The following CCDC171 variants were observed in gnomAD, a reference collection of about 807,000 sequenced individuals.
CCDC171 encodes the protein coiled-coil domain containing 171, also known as coiled-coil domain-containing protein 171.
Under a neutral mutation model 168.2 loss-of-function variants are expected in CCDC171, and 177 were observed. The ratio of observed to expected loss-of-function variants is 1.05; its 90% CI spans 0.93 to 1.19. The LOEUF is 1.19. Among genes scored for constraint, CCDC171 ranks in the 50% most tolerant of loss-of-function variants. CCDC171 has a pLI of 0.00. For missense variants in CCDC171, 1,991 were observed against 1,539.0 expected (o/e 1.29, Z -4.91); for synonymous variants, 687 against 540.8 (o/e 1.27, Z -3.75).
chr9:16,092,433 TG>T, the CCDC171 span, among the ~76,000 whole-genome samples: 1 of 152,194 alleles, frequency 6.6e-6, no homozygotes, highest in Non-Finnish European at 1.5e-5. Context: ...CTGGTCTGCC[TG>T]GGACAGCTGC....
chr9:15,620,761 A>G (rs2132023742), intron 6 of CCDC171, among the ~76,000 whole-genome samples: 1 of 152,306 alleles, frequency 6.6e-6, no homozygotes, highest in South Asian at 2.1e-4. Context: ...CTTTTTGAAG[A>G]AAGAGTCAAC....
chr9:15,681,501 T>C (rs2050040000), intron 10 of CCDC171, among the ~76,000 whole-genome samples: 2 of 152,152 alleles, frequency 1.3e-5, no homozygotes, highest in Admixed American at 6.5e-5. Flanking sequence ...GAGCTGCTGT[T>C]CTCTATTTCT....
intron 18 of CCDC171, among the ~76,000 whole-genome samples, chr9:15,752,804 G>T (rs1370902572): frequency 6.6e-6 from 1 of 151,906 alleles, no homozygotes; most frequent in Non-Finnish European, 1.5e-5. Context: ...ATGAATTGAT[G>T]GGTGCAGCAA....
intron 1 of CCDC171, among the ~76,000 whole-genome samples, chr9:16,058,946 T>G (rs916125258): frequency 9.9e-5 from 15 of 152,236 alleles, no homozygotes; most frequent in African/African-American, 3.4e-4. Flanking sequence ...CAGTTGTGTT[T>G]TCTGAACAAC....
In CCDC171 at chr9:15,557,349, A is replaced by G. The variant is rs184666760; in HGVS notation, c.-112+4047A>G. On this transcript the variant is annotated intron_variant, in intron 1 of 25. Transcript: ENST00000380701. ...CCTTGGGGAGTATGGCCATTTTCAC[A>G]ATATTAATTCTTCCTATCCATGAGC... Among the ~76,000 whole-genome samples the G allele has an allele frequency of 5.1e-3, 772 of 152,172 alleles. 8 individuals carry two copies. Among genetic ancestry groups the G allele is most frequent in the African/African-American group, 0.018 (753 of 41,538 alleles).
chr9:15,908,321 A>C (rs1041952551), intron 24 of CCDC171, among the ~76,000 whole-genome samples: 4 of 152,222 alleles, frequency 2.6e-5, no homozygotes, highest in Non-Finnish European at 5.9e-5. Flanking sequence ...AATACTATGC[A>C]GCCATAAAAA....
the CCDC171 span, among the ~76,000 whole-genome samples, chr9:16,073,255 A>G: frequency 6.6e-6 from 1 of 152,046 alleles, no homozygotes; most frequent in East Asian, 1.9e-4. Context: ...GCATCCATAT[A>G]CTCGGGTTTG....
chr9:15,892,248 C>T (rs1027624907), intron 24 of CCDC171, among the ~76,000 whole-genome samples: 23 of 152,064 alleles, frequency 1.5e-4, no homozygotes, highest in Non-Finnish European at 2.2e-4. Flanking sequence ...GTTAAATAGG[C>T]ATGGTGAGAG....
At chr9:15,758,478 G>A (rs2056261788) in intron 18 of CCDC171, among the ~76,000 whole-genome samples, 1 of 152,226 alleles carries the variant, frequency 6.6e-6, no homozygotes, top group African/African-American at 2.4e-5. Flanking sequence ...AGGCTCATAG[G>A]TGGAAGGGAC....
chr9:15,703,202 G>A (rs745876453), intron 11 of CCDC171, among the ~76,000 whole-genome samples: 6 of 152,160 alleles, frequency 3.9e-5, no homozygotes, highest in African/African-American at 2.4e-5. Flanking sequence ...CACCACGCCC[G>A]GCCGGGCCTT....
At chr9:15,721,983 C>G (rs1430800187) in intron 12 of CCDC171, 108 bp downstream of exon 12, 1 of 440,784 alleles carries the variant, frequency 2.3e-6, no homozygotes, top group African/African-American at 2.0e-5. Flanking sequence ...GAACTGACAG[C>G]TTCACAGATA....
At chr9:15,746,490 G>A (rs146794857) in intron 18 of CCDC171, among the ~76,000 whole-genome samples, 1 of 152,294 alleles carries the variant, frequency 6.6e-6, no homozygotes, top group Non-Finnish European at 1.5e-5. Context: ...TCAAGATACT[G>A]GGTTTGAAGT....
the CCDC171 span, among the ~76,000 whole-genome samples, chr9:16,087,775 T>A: frequency 6.6e-6 from 1 of 152,160 alleles, no homozygotes; most frequent in African/African-American, 2.4e-5. Flanking sequence ...TGTATGGATT[T>A]GATCCTGTCA....
chr9:15,971,232 T>A (rs1831330043), intron 25 of CCDC171, among the ~76,000 whole-genome samples: 1 of 152,168 alleles, frequency 6.6e-6, no homozygotes, highest in African/African-American at 2.4e-5. Flanking sequence ...TATATGGCAC[T>A]TATTTTATAG....
intron 7 of CCDC171, among the ~76,000 whole-genome samples, chr9:15,637,781 C>G (rs2046313768): frequency 6.6e-6 from 1 of 151,878 alleles, no homozygotes; most frequent in Non-Finnish European, 1.5e-5. Flanking sequence ...CATCCATGTC[C>G]CTACAAAGGA....
At chr9:16,009,867 A>G (rs1331052824) in intron 3 of CCDC171, among the ~76,000 whole-genome samples, 1 of 152,232 alleles carries the variant, frequency 6.6e-6, no homozygotes, top group East Asian at 1.9e-4. Flanking sequence ...TTGAAAGTAG[A>G]CAGCTAATGG....
intron 11 of CCDC171, among the ~76,000 whole-genome samples, chr9:15,704,734 A>G (rs1463207192): frequency 6.6e-6 from 1 of 152,210 alleles, no homozygotes; most frequent in Non-Finnish European, 1.5e-5. Flanking sequence ...ACCAGCTTAT[A>G]TTCAGGTAGC....
At chr9:15,723,592 G>A in intron 12 of CCDC171, 89 bp from the exon 13 acceptor site, 2 of 847,014 alleles carry the variant, frequency 2.4e-6, no homozygotes. Flanking sequence ...AGCACTTAAA[G>A]ATTAACTTTT....
intron 6 of CCDC171, among the ~76,000 whole-genome samples, chr9:15,602,158 T>G (rs1426749966): frequency 2.0e-5 from 3 of 152,234 alleles, no homozygotes; most frequent in Admixed American, 2.0e-4. Flanking sequence ...TTGTCCTTTT[T>G]TTAATTAACA....
Sources: allele counts gnomAD v4.1 joint callset (sites outside exome capture counted in the v4.1 genomes callset), GRCh38; gene constraint gnomAD v4.1.1; transcripts MANE v1.5; gene names NCBI Gene and HGNC (gene_info 2026-07-23, HGNC 2026-07-21).